The following NRXN1 variants were observed in gnomAD, a reference collection of about 807,000 sequenced individuals.
The protein encoded by NRXN1 is neurexin 1.
In NRXN1, 39 loss-of-function variants were observed where a neutral mutation model predicts 150.9. That is an observed-to-expected ratio of 0.26 (90% CI 0.20 to 0.34). The LOEUF (loss-of-function observed/expected upper bound fraction) is 0.34. NRXN1 is among the 10% of genes least tolerant of loss of function. NRXN1 has a pLI of 1.00. For synonymous variants in NRXN1, 924 were observed against 757.0 expected (o/e 1.22, Z -3.62); for missense variants, 1,815 against 1,949.9 (o/e 0.93, Z 1.30).
At chr2:50,806,574 T>G (rs952718507) in intron 5 of NRXN1, among the ~76,000 whole-genome samples, 3 of 152,154 alleles carry the variant, frequency 2.0e-5, no homozygotes, top group African/African-American at 7.2e-5. Flanking sequence ...GTTCTAAGAC[T>G]TAGTTGAATA....
At chr2:50,761,452 T>G (rs544826565) in intron 5 of NRXN1, among the ~76,000 whole-genome samples, 11 of 151,948 alleles carry the variant, frequency 7.2e-5, no homozygotes, top group African/African-American at 2.7e-4. Flanking sequence ...CCTGCTGCCA[T>G]GTAAGATGCG....
intron 5 of NRXN1, among the ~76,000 whole-genome samples, chr2:50,775,155 T>G (rs1703454634): frequency 6.6e-6 from 1 of 152,128 alleles, no homozygotes; most frequent in Admixed American, 6.6e-5. Context: ...GGTAAGAATA[T>G]CTCCTATCCT....
Position 50,512,157 on chromosome 2 carries a change from T to A in NRXN1, c.2375-5540A>T, listed in dbSNP as rs184909227. On this transcript the variant is annotated intron_variant, in intron 12 of 22. Transcript: ENST00000401669. Reference sequence around the variant, plus strand: ...GGACCAAAACTACCTCGCGGCTACATGAAAGAGTGCAATGTTATAGTGAAT... The same window carrying A: ...GGACCAAAACTACCTCGCGGCTACAAGAAAGAGTGCAATGTTATAGTGAAT... Among the ~76,000 whole-genome samples the A allele has an allele frequency of 3.9e-5, 6 of 152,304 alleles. 1 individual carries two copies. The East Asian group carries it at 7.7e-4, about 20-fold the overall frequency.
chr2:49,947,514 C>CTTTTTTTTTTTTT (rs199991365), intron 21 of NRXN1, among the ~76,000 whole-genome samples: 49 of 108,998 alleles, frequency 4.5e-4, no homozygotes, highest in Admixed American at 6.2e-4. Context: ...TTTTTTTTTT[C>CTTTTTTTTTTTTT]TTTTTTTTTT....
At chr2:50,233,685 T>A (rs2065167079) in intron 18 of NRXN1, among the ~76,000 whole-genome samples, 1 of 152,084 alleles carries the variant, frequency 6.6e-6, no homozygotes, top group Non-Finnish European at 1.5e-5. Flanking sequence ...GGATAATGAA[T>A]AAGTCTAACT....
chr2:50,791,335 C>A (rs1177464881), intron 5 of NRXN1, among the ~76,000 whole-genome samples: 2 of 106,180 alleles, frequency 1.9e-5, no homozygotes, highest in Non-Finnish European at 3.9e-5. Flanking sequence ...AAAAAAAAAT[C>A]CTTAGCTTTG....
In NRXN1 at chr2:50,497,688, G is replaced by A; in HGVS notation, c.2524C>T (p.Leu842=). The A allele has an allele frequency of 6.2e-7, 1 of 1,612,300 alleles. No individual in the cohort carries two copies. Residue 842 remains leucine (L), a synonymous_variant, in exon 14 of 23, where the codon CTG becomes TTG. Coordinates refer to ENST00000401669, the MANE Select transcript of NRXN1 (RefSeq NM_001330078.2). ...TGQMAGDHTR[L]EFHNIETGII... ...CCAGTCTCTATGTTATGGAACTCCA[G>A]CCTAGTATGATCACCTGCCATTTGA...
At chr2:51,016,809 G>C (rs1359770356) in intron 2 of NRXN1, among the ~76,000 whole-genome samples, 1 of 152,076 alleles carries the variant, frequency 6.6e-6, no homozygotes, top group Non-Finnish European at 1.5e-5. Context: ...GCACATATAT[G>C]TTTATTGCAG....
At chr2:50,458,961 A>G (rs1270195550) in intron 17 of NRXN1, among the ~76,000 whole-genome samples, 3 of 152,060 alleles carry the variant, frequency 2.0e-5, no homozygotes, top group Non-Finnish European at 2.9e-5. Context: ...AGAAAAGGTA[A>G]AGCTTATAAA....
chr2:50,341,382 CTT>C (rs762139497), intron 17 of NRXN1, among the ~76,000 whole-genome samples: 139 of 146,494 alleles, frequency 9.5e-4, no homozygotes, highest in Non-Finnish European at 1.7e-3. Context: ...TCTAAAGTCT[CTT>C]TTAAGTATTT....
chr2:50,593,031 C>T (rs1412139620), intron 8 of NRXN1, among the ~76,000 whole-genome samples: 2 of 152,178 alleles, frequency 1.3e-5, no homozygotes, highest in African/African-American at 2.4e-5. Flanking sequence ...CCAAATGAAC[C>T]TCTCTTTCCT....
intron 5 of NRXN1, among the ~76,000 whole-genome samples, chr2:50,809,696 T>C (rs1667960644): frequency 6.6e-6 from 1 of 152,096 alleles, no homozygotes; most frequent in Non-Finnish European, 1.5e-5. Flanking sequence ...CATCCATGGG[T>C]CAGAGGAGGG....
intron 18 of NRXN1, among the ~76,000 whole-genome samples, chr2:50,108,242 A>T (rs925760522): frequency 2.0e-5 from 3 of 152,070 alleles, no homozygotes; most frequent in Admixed American, 2.0e-4. Flanking sequence ...AATTAAATGT[A>T]GCACACACAC....
intron 5 of NRXN1, among the ~76,000 whole-genome samples, chr2:50,634,121 T>C (rs140126793): frequency 6.8e-4 from 103 of 152,320 alleles, no homozygotes; most frequent in East Asian, 3.7e-3. Flanking sequence ...CTTCTAAATT[T>C]TGGGCAAACT....
chr2:50,293,641 G>A (rs943191515), intron 17 of NRXN1, among the ~76,000 whole-genome samples: 1 of 152,154 alleles, frequency 6.6e-6, no homozygotes, highest in African/African-American at 2.4e-5. Context: ...ATAAGTAAAG[G>A]AGAAAGGAAG....
chr2:50,689,902 T>C (rs375142767), intron 5 of NRXN1, among the ~76,000 whole-genome samples: 3 of 102,326 alleles, frequency 2.9e-5, no homozygotes, highest in African/African-American at 1.0e-4. Flanking sequence ...GTGTGTGTGT[T>C]TGAGACGGAG....
At position 50,053,589 on chromosome 2, in the gene NRXN1, C is replaced by G; in HGVS notation, c.3810G>C (p.Gly1270=). The G allele has an allele frequency of 6.2e-7, 1 of 1,613,776 alleles. No homozygotes were observed. The highest frequency in any genetic ancestry group is 1.1e-5 in the South Asian group (1 of 91,078). Residue 1270 remains glycine, a splice_region_variant and synonymous_variant, in exon 21 of 23, where the codon GGG becomes GGC. Coordinates refer to ENST00000401669, the MANE Select transcript of NRXN1 (RefSeq NM_001330078.2). ...RVVDEWLLDK[G]RQLTIFNSQA... ...GGCTATTGAAGATTGTGAGCTGACG[C>G]CCTGTAAAAATAATATTACATACAT...
intron 5 of NRXN1, among the ~76,000 whole-genome samples, chr2:50,647,490 C>A (rs1684988589): frequency 6.6e-6 from 1 of 151,856 alleles, no homozygotes; most frequent in Non-Finnish European, 1.5e-5. Context: ...ATAGAAATAG[C>A]TTACAACATT....
intron 5 of NRXN1, among the ~76,000 whole-genome samples, chr2:50,711,527 G>A (rs1176723858): frequency 1.3e-5 from 2 of 151,660 alleles, no homozygotes; most frequent in Non-Finnish European, 2.9e-5. Context: ...GTAGAGACAG[G>A]TTTTCATCAT....
Sources: allele counts gnomAD v4.1 joint callset (sites outside exome capture counted in the v4.1 genomes callset), GRCh38; gene constraint gnomAD v4.1.1; transcripts MANE v1.5; gene names NCBI Gene and HGNC (gene_info 2026-07-23, HGNC 2026-07-21).